The following PIGL variants were observed in gnomAD, a reference collection of about 807,000 sequenced individuals.
PIGL encodes the protein phosphatidylinositol glycan anchor biosynthesis class L.
PIGL carries 22 observed loss-of-function variants against 31.1 expected under a neutral mutation model. The observed-to-expected ratio is 0.71, with a 90% CI of 0.51 to 1.01. PIGL has a LOEUF of 1.01. Among genes scored for constraint, PIGL ranks in the 50% least tolerant of loss-of-function variants. PIGL has a pLI of 0.00. For missense variants in PIGL, 302 were observed against 315.9 expected (o/e 0.96, Z 0.33); for synonymous variants, 131 against 117.4 (o/e 1.12, Z -0.75).
intron 2 of PIGL, among the ~76,000 whole-genome samples, chr17:16,283,727 TAAATCACCGATTATAC>T (rs909317661): frequency 9.8e-5 from 15 of 152,360 alleles, no homozygotes; most frequent in African/African-American, 3.4e-4. Flanking sequence ...TAAAACTTTT[TAAATCACCGATTATAC>T]AAAAGCTCTT....
intron 6 of PIGL, among the ~76,000 whole-genome samples, chr17:16,320,183 G>A (rs532673012): frequency 2.3e-4 from 31 of 135,864 alleles, no homozygotes; most frequent in African/African-American, 8.1e-4. Context: ...ACAGAGAGAA[G>A]GAGAGAGTGA....
chr17:16,318,671 G>A (rs767309452), intron 6 of PIGL, among the ~76,000 whole-genome samples: 3 of 151,888 alleles, frequency 2.0e-5, no homozygotes, highest in African/African-American at 4.8e-5. Context: ...GGTGGCTCAT[G>A]CCTGTAATCA....
rs1246536625 is a variant in PIGL at position 16,326,408 on chromosome 17, C to G, written c.*510C>G. On this transcript the variant is annotated 3_prime_UTR_variant, in exon 7 of 7. Coordinates refer to ENST00000225609, the MANE Select transcript of PIGL (RefSeq NM_004278.4). ...TCTAGGAAAAACTTGCTCTATTTAACAGGACAGCTCTGATTGAAGCATCCA... is the reference window on the plus strand; with the variant it reads ...TCTAGGAAAAACTTGCTCTATTTAAGAGGACAGCTCTGATTGAAGCATCCA... 6.4e-6 allele frequency: 1 copy of G among 156,216 alleles called. No homozygotes were observed. The highest frequency in any genetic ancestry group is 1.4e-5 in the Non-Finnish European group (1 of 70,752). 9.7% of individuals were successfully genotyped at this position (156,216 alleles called of 1,614,324 possible). A position where few individuals can be genotyped will look rare whatever the true frequency, so the allele number is the denominator to read the frequency against.
chr17:16,286,463 C>T (rs2092938226), intron 2 of PIGL, among the ~76,000 whole-genome samples: 1 of 152,140 alleles, frequency 6.6e-6, no homozygotes, highest in South Asian at 2.1e-4. Flanking sequence ...ATGACTCTCC[C>T]GACTAAAATG....
intron 1 of PIGL, among the ~76,000 whole-genome samples, chr17:16,223,463 G>C (rs1221548928): frequency 4.6e-5 from 7 of 152,120 alleles, no homozygotes; most frequent in African/African-American, 7.2e-5. Flanking sequence ...TGTAATCCCA[G>C]CTACTCAGGA....
intron 2 of PIGL, among the ~76,000 whole-genome samples, chr17:16,294,046 G>A (rs900580127): frequency 6.6e-6 from 1 of 152,158 alleles, no homozygotes; most frequent in African/African-American, 2.4e-5. Context: ...AGCTCACTTG[G>A]AGAAAGGCTC....
At chr17:16,263,267 C>G (rs188839516) in intron 2 of PIGL, among the ~76,000 whole-genome samples, 2 of 150,876 alleles carry the variant, frequency 1.3e-5, no homozygotes, top group Non-Finnish European at 3.0e-5. Context: ...CAGCCTCAAA[C>G]TCCTGGGCTA....
intron 2 of PIGL, among the ~76,000 whole-genome samples, chr17:16,244,214 C>G (rs1453870607): frequency 6.6e-6 from 1 of 152,148 alleles, no homozygotes; most frequent in Admixed American, 6.6e-5. Context: ...ACTCGTTAGT[C>G]CTACAAAGGC....
intron 2 of PIGL, among the ~76,000 whole-genome samples, chr17:16,251,988 AG>A (rs920697050): frequency 3.3e-5 from 5 of 152,088 alleles, no homozygotes; most frequent in African/African-American, 1.2e-4. Flanking sequence ...CATATTATGA[AG>A]AATCTATAGA....
At chr17:16,290,820 A>G (rs1242923596) in intron 2 of PIGL, among the ~76,000 whole-genome samples, 1 of 151,998 alleles carries the variant, frequency 6.6e-6, no homozygotes, top group Non-Finnish European at 1.5e-5. Flanking sequence ...AGCTGGGACC[A>G]CACACATGCC....
chr17:16,247,898 TTC>T (rs2092755534), intron 2 of PIGL, among the ~76,000 whole-genome samples: 1 of 152,184 alleles, frequency 6.6e-6, no homozygotes, highest in Non-Finnish European at 1.5e-5. Context: ...TCTTTTTTTT[TTC>T]TTTTGGAGAT....
chr17:16,282,778 C>T (rs1248200320), intron 2 of PIGL, among the ~76,000 whole-genome samples: 1 of 152,176 alleles, frequency 6.6e-6, no homozygotes, highest in Non-Finnish European at 1.5e-5. Flanking sequence ...GATGTTGGCA[C>T]CTCTCAAGAA....
intron 2 of PIGL, among the ~76,000 whole-genome samples, chr17:16,264,792 G>C (rs2092835277): frequency 6.6e-6 from 1 of 150,922 alleles, no homozygotes; most frequent in South Asian, 2.1e-4. Context: ...GATTACAGGT[G>C]CCCACCACCA....
chr17:16,263,096 G>T (rs1021777272), intron 2 of PIGL, among the ~76,000 whole-genome samples: 4 of 147,716 alleles, frequency 2.7e-5, no homozygotes, highest in South Asian at 4.4e-4. Flanking sequence ...GTTTATTTGG[G>T]GGGGGGGGAT....
intron 2 of PIGL, among the ~76,000 whole-genome samples, chr17:16,279,997 C>CT (rs1251265868): frequency 6.6e-6 from 1 of 152,132 alleles, no homozygotes; most frequent in Non-Finnish European, 1.5e-5. Flanking sequence ...ATGGTCTTGA[C>CT]TAACTGGGCT....
At chr17:16,322,886 T>C (rs2093111837) in intron 6 of PIGL, among the ~76,000 whole-genome samples, 1 of 152,166 alleles carries the variant, frequency 6.6e-6, no homozygotes, top group African/African-American at 2.4e-5. Context: ...CTGTTTAAAA[T>C]AGCCTCTAAG....
chr17:16,316,557 AAC>A (rs1464198300), intron 4 of PIGL, 122 bp from the exon 5 acceptor site: 14 of 920,074 alleles, frequency 1.5e-5, no homozygotes, highest in Non-Finnish European at 2.3e-5. Context: ...ATGCAAAAGA[AAC>A]CACCTGGAGA....
intron 3 of PIGL, among the ~76,000 whole-genome samples, chr17:16,306,797 G>A (rs1448942694): frequency 6.6e-6 from 1 of 152,126 alleles, no homozygotes; most frequent in Admixed American, 6.6e-5. Flanking sequence ...CCAAAGTGCT[G>A]TGATTACAGG....
chr17:16,248,747 C>A (rs1055866681), intron 2 of PIGL, among the ~76,000 whole-genome samples: 2 of 152,226 alleles, frequency 1.3e-5, no homozygotes, highest in African/African-American at 2.4e-5. Flanking sequence ...GCCACTTGCA[C>A]ATTTTTATGT....
Sources: gnomAD v4.1 joint callset for allele counts (sites outside exome capture counted in the v4.1 genomes callset) on GRCh38, gnomAD v4.1.1 for gene constraint, MANE v1.5 for transcripts, NCBI Gene and HGNC (gene_info 2026-07-23, HGNC 2026-07-21) for gene names.